The following DNM3 variants were observed in gnomAD, a reference collection of about 807,000 sequenced individuals.
DNM3 encodes dynamin-3.
A neutral mutation model predicts 101.6 loss-of-function variants in DNM3; 47 were observed. That is an observed-to-expected ratio of 0.46 (90% CI 0.37 to 0.59). The LOEUF (loss-of-function observed/expected upper bound fraction) is 0.59, where lower values mean the gene tolerates loss of function less well. Ranked by LOEUF, DNM3 falls within the 20% of genes least tolerant of loss-of-function variation. The probability of loss-of-function intolerance (pLI) is 0.00; values close to 1 mark genes in which losing one functional copy is unlikely to be tolerated. For synonymous variants in DNM3, 385 were observed against 387.9 expected, an observed-to-expected ratio of 0.99 and a Z score of 0.09; for missense variants, 849 against 1,085.7, an observed-to-expected ratio of 0.78 and a Z score of 3.06.
intron 13 of DNM3, among the ~76,000 whole-genome samples, chr1:172,103,622 A>G (rs1176014497): frequency 1.3e-5 from 2 of 152,196 alleles, no homozygotes; most frequent in African/African-American, 4.8e-5. Context: ...CTCAATCCCC[A>G]GTACTGGATA....
intron 1 of DNM3, among the ~76,000 whole-genome samples, chr1:171,873,229 T>G (rs1450705293): frequency 1.3e-5 from 2 of 152,194 alleles, no homozygotes; most frequent in African/African-American, 4.8e-5. Context: ...CCCAGGGTGT[T>G]GAAGAGTTCC....
chr1:171,948,897 A>C (rs1232347156), intron 2 of DNM3, among the ~76,000 whole-genome samples: 1 of 152,144 alleles, frequency 6.6e-6, no homozygotes, highest in East Asian at 1.9e-4. Flanking sequence ...GTGTTATGTG[A>C]CTTCTTCAAT....
rs11345178 is a variant in DNM3 at position 172,320,397 on chromosome 1, G to GA, written c.1882-2920dup. Among the ~76,000 whole-genome samples the GA allele has an allele frequency of 5.9e-3, 818 of 139,484 alleles. 8 individuals are homozygous for GA. The highest frequency in any genetic ancestry group is 0.017 in the African/African-American group (641 of 38,622). 91.5% of individuals were successfully genotyped at this position (139,484 alleles called of 152,430 possible). ...TAAAGTATAATAATAATAAAAAAAA[G>GA]AAAAAAAAAAAAGAAAATGTGGCAC... On this transcript the variant is annotated intron_variant, in intron 16 of 20. Coordinates refer to ENST00000627582, the MANE Select transcript of DNM3 (RefSeq NM_015569.5).
chr1:172,110,805 G>A (rs1428052242), intron 13 of DNM3, among the ~76,000 whole-genome samples: 2 of 152,202 alleles, frequency 1.3e-5, no homozygotes, highest in Admixed American at 1.3e-4. Context: ...AAAGGGTGAG[G>A]CAGGTGGATT....
At chr1:172,106,535 C>T (rs2055027949) in intron 13 of DNM3, among the ~76,000 whole-genome samples, 1 of 152,020 alleles carries the variant, frequency 6.6e-6, no homozygotes, top group South Asian at 2.1e-4. Flanking sequence ...TAACAAACCC[C>T]CATGACACAA....
chr1:171,889,795 C>T (rs925133222), intron 1 of DNM3, among the ~76,000 whole-genome samples: 2 of 152,050 alleles, frequency 1.3e-5, no homozygotes, highest in Non-Finnish European at 2.9e-5. Context: ...TATTCTTTAC[C>T]GGAAATGTAT....
At chr1:171,863,924 A>C (rs56237038) in intron 1 of DNM3, among the ~76,000 whole-genome samples, 3,408 of 152,326 alleles carry the variant, frequency 0.022, 121 homozygotes, top group African/African-American at 0.077. Flanking sequence ...TTATTGAATG[A>C]ATGAGCTCTT....
rs530346748 is a variant in DNM3 at position 172,411,365 on chromosome 1, G to T, written c.*3524G>T. On this transcript the variant is annotated 3_prime_UTR_variant, in exon 21 of 21. Coordinates refer to ENST00000627582, the MANE Select transcript of DNM3 (RefSeq NM_015569.5). Reference sequence around the variant, plus strand: ...ACATTTGTATCTGAATCCACAAGAAGATCTGAATCTAAGAAGGAATTACCT... The same window carrying T: ...ACATTTGTATCTGAATCCACAAGAATATCTGAATCTAAGAAGGAATTACCT... 1.0e-6 allele frequency: 1 copy of T among 985,044 alleles called. No homozygotes were observed. The highest frequency in any genetic ancestry group is 1.2e-6 in the Non-Finnish European group (1 of 829,674). 61.0% of individuals were successfully genotyped at this position (985,044 alleles called of 1,614,324 possible).
intron 14 of DNM3, among the ~76,000 whole-genome samples, chr1:172,244,481 C>G (rs901143887): frequency 9.9e-5 from 15 of 151,118 alleles, no homozygotes; most frequent in African/African-American, 3.6e-4. Context: ...TATCCAGAAT[C>G]TACAATGAAC....
At chr1:172,374,906 G>A (rs7546156) in intron 17 of DNM3, among the ~76,000 whole-genome samples, 149,297 of 152,172 alleles carry the variant, frequency 0.98, 73,265 homozygotes, top group East Asian at 1. Flanking sequence ...TCTTTATTGC[G>A]TAGACCTTAT....
At chr1:172,116,325 G>A (rs1558593849) in intron 13 of DNM3, among the ~76,000 whole-genome samples, 1 of 152,206 alleles carries the variant, frequency 6.6e-6, no homozygotes, top group Non-Finnish European at 1.5e-5. Flanking sequence ...CCCACAGGAG[G>A]TTCTCACATG....
At chr1:171,856,118 T>C (rs996137022) in intron 1 of DNM3, among the ~76,000 whole-genome samples, 1 of 152,214 alleles carries the variant, frequency 6.6e-6, no homozygotes, top group Admixed American at 6.5e-5. Context: ...ATTTATTGAA[T>C]AGGTAGTCCT....
At chr1:171,998,505 C>G (rs1442768443) in intron 4 of DNM3, among the ~76,000 whole-genome samples, 1 of 152,060 alleles carries the variant, frequency 6.6e-6, no homozygotes, top group African/African-American at 2.4e-5. Flanking sequence ...ATTCTAGTTG[C>G]TTGTTCATTT....
At chr1:172,369,663 T>C (rs907888733) in intron 17 of DNM3, among the ~76,000 whole-genome samples, 7 of 151,926 alleles carry the variant, frequency 4.6e-5, no homozygotes, top group African/African-American at 1.7e-4. Context: ...CCAGTTGTGA[T>C]GTGCTGTAAG....
intron 2 of DNM3, among the ~76,000 whole-genome samples, chr1:171,940,146 T>A (rs1478023439): frequency 1.3e-5 from 2 of 152,160 alleles, no homozygotes; most frequent in Non-Finnish European, 2.9e-5. Context: ...TATAAGATGG[T>A]TTTGTACTCA....
chr1:172,030,347 T>C (rs984320678), intron 4 of DNM3, among the ~76,000 whole-genome samples: 1 of 152,150 alleles, frequency 6.6e-6, no homozygotes, highest in African/African-American at 2.4e-5. Context: ...GAAAACTGGC[T>C]AGCCATATGC....
At chr1:172,260,622 G>A (rs1235043603) in intron 15 of DNM3, among the ~76,000 whole-genome samples, 1 of 151,864 alleles carries the variant, frequency 6.6e-6, no homozygotes, top group African/African-American at 2.4e-5. Context: ...GGTTTTGAAT[G>A]TATTTTGTAT....
At chr1:172,338,931 CTTTCT>C (rs879532549) in intron 17 of DNM3, 3 of 411,132 alleles carry the variant, frequency 7.3e-6, no homozygotes, top group Non-Finnish European at 1.4e-5. Context: ...TTTTAGTTTT[CTTTCT>C]TTTAACATTC....
intron 2 of DNM3, among the ~76,000 whole-genome samples, chr1:171,929,708 C>T (rs1370902676): frequency 6.6e-6 from 1 of 151,988 alleles, no homozygotes; most frequent in Admixed American, 6.5e-5. Flanking sequence ...CTAGGAGCTC[C>T]ATCCCAGGGA....
Sources: allele counts gnomAD v4.1 joint callset (sites outside exome capture counted in the v4.1 genomes callset), GRCh38; gene constraint gnomAD v4.1.1; transcripts MANE v1.5; gene names NCBI Gene and HGNC (gene_info 2026-07-23, HGNC 2026-07-21).